PPARA: variants seen among roughly 807,000 people sequenced by gnomAD.
The protein encoded by PPARA is peroxisome proliferator-activated receptor alpha.
Under a neutral mutation model 42.2 loss-of-function variants are expected in PPARA, and 22 were observed. That is an observed-to-expected ratio of 0.52 (90% CI 0.37 to 0.74). The LOEUF (loss-of-function observed/expected upper bound fraction) is 0.74, where lower values mean the gene tolerates loss of function less well. Ranked by LOEUF, PPARA falls within the 30% of genes least tolerant of loss-of-function variation. PPARA has a pLI of 0.00. For missense variants in PPARA, 465 were observed against 608.2 expected, an observed-to-expected ratio of 0.76 and a Z score of 2.48; for synonymous variants, 242 against 239.3, an observed-to-expected ratio of 1.01 and a Z score of -0.10.
At chr22:46,168,351 CAAAAAAA>C (rs35345592) in intron 2 of PPARA, among the ~76,000 whole-genome samples, 35 of 14,376 alleles carry the variant, frequency 2.4e-3, no homozygotes, top group South Asian at 5.4e-3. Context: ...GACTCCATCT[CAAAAAAA>C]AAAAAAAAAA....
Position 46,224,091 on chromosome 22 carries a change from C to T in PPARA, c.711+4077C>T, listed in dbSNP as rs1443685643. 6.6e-6 allele frequency among the ~76,000 whole-genome samples: 1 copy of T among 152,194 alleles called. No homozygotes were observed. Among genetic ancestry groups the T allele is most frequent in the Non-Finnish European group, 1.5e-5 (1 of 68,036 alleles). ...CACCCACACCCACAAAGCCAGAGCACCGCAGGTACCAGTTTTCAAGGCAAC... is the reference window on the plus strand; with the variant it reads ...CACCCACACCCACAAAGCCAGAGCATCGCAGGTACCAGTTTTCAAGGCAAC... On this transcript the variant is annotated intron_variant, in intron 7 of 8. Transcript: ENST00000407236. The surrounding 1 kb of genome is among the most constrained non-coding windows in gnomAD (Gnocchi z 5.7).
chr22:46,153,344 A>G (rs1924767567), intron 2 of PPARA, among the ~76,000 whole-genome samples: 3 of 151,406 alleles, frequency 2.0e-5, no homozygotes, highest in Admixed American at 6.6e-5. Flanking sequence ...TAATTTTTGT[A>G]TTTTTAGTAG....
In PPARA at chr22:46,224,545, C is replaced by T. The variant is rs1261433009; in HGVS notation, c.711+4531C>T. Among the ~76,000 whole-genome samples the T allele has an allele frequency of 6.6e-6, 1 of 152,210 alleles. No individual in the cohort carries two copies. The highest frequency in any genetic ancestry group is 2.4e-5 in the African/African-American group (1 of 41,456). ...CGGTCGCCGTTTCATCAGTTTCCAG[C>T]CTGGGTGACCTCACAGCCCCAGCCA... On this transcript the variant is annotated intron_variant, in intron 7 of 8. Coordinates refer to ENST00000407236, the MANE Select transcript of PPARA (RefSeq NM_005036.6). The surrounding 1 kb of genome is among the most constrained non-coding windows in gnomAD (Gnocchi z 5.7).
intron 2 of PPARA, among the ~76,000 whole-genome samples, chr22:46,176,427 A>T (rs1370947486): frequency 1.3e-5 from 2 of 152,076 alleles, no homozygotes; most frequent in African/African-American, 4.8e-5. Context: ...CGGAGGTTAC[A>T]ATGAGCCAAG....
chr22:46,175,524 T>C (rs996279371), intron 2 of PPARA, among the ~76,000 whole-genome samples: 2 of 151,658 alleles, frequency 1.3e-5, no homozygotes, highest in African/African-American at 2.4e-5. Context: ...CCATCCTGGC[T>C]AACATGGTGA....
In PPARA at chr22:46,227,248, TTTTA is replaced by T. The variant is rs1179653701; in HGVS notation, c.712-4528_712-4525del. On this transcript the variant is annotated intron_variant, in intron 7 of 8. Transcript: ENST00000407236. This position sits in a 1 kb window ranked among gnomAD's most constrained non-coding sequence, Gnocchi z 4.3. ...GTTCTACCAGTGCTTCACATTTATTTTTTATTTATTTATTTATTTTTGAGACTGA... is the reference window on the plus strand; with the variant it reads ...GTTCTACCAGTGCTTCACATTTATTTTTTATTTATTTATTTTTGAGACTGA... Among the ~76,000 whole-genome samples, 2 of 152,022 alleles carry T rather than the reference TTTTA, an allele frequency of 1.3e-5. No homozygotes were observed. The highest frequency in any genetic ancestry group is 2.9e-5 in the Non-Finnish European group (2 of 68,006).
intron 4 of PPARA, among the ~76,000 whole-genome samples, chr22:46,206,074 G>T (rs902325291): frequency 2.0e-5 from 3 of 151,900 alleles, no homozygotes; most frequent in African/African-American, 7.2e-5. Context: ...GCCTTCTGTT[G>T]AATTAATTGA....
chr22:46,197,350 C>G (rs1299270646), intron 3 of PPARA, among the ~76,000 whole-genome samples: 1 of 152,008 alleles, frequency 6.6e-6, no homozygotes, highest in Non-Finnish European at 1.5e-5. Context: ...GTGCCCGGCC[C>G]AGGGATCTGT....
Position 46,184,294 on chromosome 22 carries a change from T to C in PPARA, c.-43+7458T>C, listed in dbSNP as rs1271539413. Reference sequence around the variant, plus strand: ...TCTAGAAAAGGTGCCATGAGTTACCTTCTAAAACATCATAAGAAACCATGT... The same window carrying C: ...TCTAGAAAAGGTGCCATGAGTTACCCTCTAAAACATCATAAGAAACCATGT... On this transcript the variant is annotated intron_variant, in intron 3 of 8. Transcript: ENST00000407236. This position sits in a 1 kb window ranked among gnomAD's most constrained non-coding sequence, Gnocchi z 4.4. Among the ~76,000 whole-genome samples the C allele has an allele frequency of 1.3e-5, 2 of 152,192 alleles. No homozygotes were observed. Among genetic ancestry groups the C allele is most frequent in the African/African-American group, 4.8e-5 (2 of 41,454 alleles).
In PPARA at chr22:46,187,094, C is replaced by T. The variant is rs118000396; in HGVS notation, c.-43+10258C>T. Among the ~76,000 whole-genome samples the T allele has an allele frequency of 8.2e-4, 125 of 152,294 alleles. 1 individual carries two copies. The East Asian group carries it at 0.023, about 28-fold the overall frequency. ...TAAGGTGGAGTTTTCAAGGTCATAG[C>T]ACTGCCTTCCCCTGAGGTTGGCCTT... On this transcript the variant is annotated intron_variant, in intron 3 of 8. Transcript: ENST00000407236. This position sits in a 1 kb window ranked among gnomAD's most constrained non-coding sequence, Gnocchi z 4.9.
chr22:46,207,041 G>C (rs1258272572), intron 4 of PPARA, among the ~76,000 whole-genome samples: 1 of 151,954 alleles, frequency 6.6e-6, no homozygotes, highest in African/African-American at 2.4e-5. Context: ...TGACCAATAA[G>C]GTGAAACCCT....
At position 46,195,101 on chromosome 22, in the gene PPARA, C is replaced by T. The variant is rs1430524214; in HGVS notation, c.-42-3241C>T. 6.6e-6 allele frequency among the ~76,000 whole-genome samples: 1 copy of T among 150,996 alleles called. No homozygotes were observed. The highest frequency in any genetic ancestry group is 1.5e-5 in the Non-Finnish European group (1 of 67,844). ...TATTTTTAGTAGAGACGGGGTTTCA[C>T]CCTGTTGGCCAGGCTGGTTTCGAAC... On this transcript the variant is annotated intron_variant, in intron 3 of 8. Coordinates refer to ENST00000407236, the MANE Select transcript of PPARA (RefSeq NM_005036.6). The surrounding 1 kb of genome is among the most constrained non-coding windows in gnomAD (Gnocchi z 4.6).
Position 46,190,187 on chromosome 22 carries a change from G to C in PPARA, c.-42-8155G>C, listed in dbSNP as rs1238760634. Among the ~76,000 whole-genome samples the C allele has an allele frequency of 6.6e-6, 1 of 152,144 alleles. No homozygotes were observed. Among genetic ancestry groups the C allele is most frequent in the Non-Finnish European group, 1.5e-5 (1 of 68,018 alleles). On this transcript the variant is annotated intron_variant, in intron 3 of 8. Coordinates refer to ENST00000407236, the MANE Select transcript of PPARA (RefSeq NM_005036.6). The surrounding 1 kb of genome is among the most constrained non-coding windows in gnomAD (Gnocchi z 5.6). ...ACAAGGTGATAAATTAGAATTGGTG[G>C]GAAAGAGAAAAATCTGTCTTCTGAT...
rs1935518995 is a variant in PPARA at position 46,227,108 on chromosome 22, C to A, written c.712-4684C>A. On this transcript the variant is annotated intron_variant, in intron 7 of 8. Transcript: ENST00000407236. The surrounding 1 kb of genome is among the most constrained non-coding windows in gnomAD (Gnocchi z 4.3). Reference sequence around the variant, plus strand: ...TGCCGTGTGACAGTCCAATATTATACCTACTACTTAAGTTTTCTTTAGATT... The same window carrying A: ...TGCCGTGTGACAGTCCAATATTATAACTACTACTTAAGTTTTCTTTAGATT... 6.6e-6 allele frequency among the ~76,000 whole-genome samples: 1 copy of A among 151,964 alleles called. No individual in the cohort carries two copies. The highest frequency in any genetic ancestry group is 1.9e-4 in the East Asian group (1 of 5,182).
At position 46,232,375 on chromosome 22, in the gene PPARA, C is replaced by A; in HGVS notation, c.1159+136C>A. 1 of 797,154 alleles carries A rather than the reference C, an allele frequency of 1.3e-6. No individual in the cohort carries two copies. The highest frequency in any genetic ancestry group is 2.2e-6 in the Non-Finnish European group (1 of 456,686). 49.4% of individuals were successfully genotyped at this position (797,154 alleles called of 1,614,324 possible). A position where few individuals can be genotyped will look rare whatever the true frequency, so the allele number is the denominator to read the frequency against. ...ACTCACATGGTGGGAAGACGTCTGA[C>A]CCCCAGTCACTGCTGAGAATTCAGT... On this transcript the variant is annotated intron_variant, in intron 8 of 8. Coordinates refer to ENST00000407236, the MANE Select transcript of PPARA (RefSeq NM_005036.6). This position sits in a 1 kb window ranked among gnomAD's most constrained non-coding sequence, Gnocchi z 5.3.
chr22:46,198,643 A>G (rs750506208), intron 4 of PPARA, 52 bp downstream of exon 4: 1 of 1,506,628 alleles, frequency 6.6e-7, no homozygotes, highest in Non-Finnish European at 9.2e-7. Flanking sequence ...TCTTCCTCCA[A>G]GAAAACTGTT....
intron 2 of PPARA, chr22:46,155,003 AAAAAAAAAAAAAAAAAAAAAAAAAC>A (rs1925049757): frequency 2.2e-5 from 3 of 137,862 alleles, no homozygotes; most frequent in South Asian, 2.2e-4. Flanking sequence ...AAAAAAAAAA[AAAAAAAAAAAAAAAAAAAAAAAAAC>A]CACATTAATT....
chr22:46,209,215 C>T (rs1933691353), intron 4 of PPARA, among the ~76,000 whole-genome samples: 1 of 152,142 alleles, frequency 6.6e-6, no homozygotes, highest in Non-Finnish European at 1.5e-5. Context: ...ACATGCTTGC[C>T]AACCACTTGT....
At chr22:46,170,182 G>A (rs1379301090) in intron 2 of PPARA, among the ~76,000 whole-genome samples, 2 of 151,286 alleles carry the variant, frequency 1.3e-5, no homozygotes, top group Non-Finnish European at 2.9e-5. Context: ...CTGTATACAG[G>A]CTCTTTTTCA....
Sources: gnomAD v4.1 joint callset for allele counts (sites outside exome capture counted in the v4.1 genomes callset) on GRCh38, gnomAD v4.1.1 for gene constraint, Gnocchi (gnomAD v3.1) non-coding constraint, MANE v1.5 for transcripts, NCBI Gene and HGNC (gene_info 2026-07-23, HGNC 2026-07-21) for gene names.